The following GRID1 variants were observed in gnomAD, a reference collection of about 807,000 sequenced individuals.
GRID1 encodes the protein glutamate receptor ionotropic, delta-1.
GRID1 carries 28 observed loss-of-function variants against 98.0 expected under a neutral mutation model. The observed-to-expected ratio is 0.29, with a 90% CI of 0.21 to 0.39. The LOEUF (loss-of-function observed/expected upper bound fraction) is 0.39, where lower values mean the gene tolerates loss of function less well. GRID1 is among the 10% of genes least tolerant of loss of function. The pLI, the probability that GRID1 is intolerant of heterozygous loss-of-function variation, is 1.00. For missense variants in GRID1, 1,111 were observed against 1,340.5 expected, an observed-to-expected ratio of 0.83 and a Z score of 2.67; for synonymous variants, 553 against 538.5, an observed-to-expected ratio of 1.03 and a Z score of -0.37.
At chr10:86,343,446 A>G (rs1316023288) in intron 2 of GRID1, among the ~76,000 whole-genome samples, 3 of 152,252 alleles carry the variant, frequency 2.0e-5, no homozygotes, top group Non-Finnish European at 4.4e-5. Flanking sequence ...AAGAAACCCA[A>G]TATCTTGAGT....
At chr10:85,824,490 G>A (rs35490276) in intron 8 of GRID1, among the ~76,000 whole-genome samples, 10,466 of 152,256 alleles carry the variant, frequency 0.069, 396 homozygotes, top group Non-Finnish European at 0.081. Flanking sequence ...GGCATTACAG[G>A]CATGTGCCAC....
intron 2 of GRID1, among the ~76,000 whole-genome samples, chr10:86,345,461 C>T (rs1262701632): frequency 6.6e-6 from 1 of 152,230 alleles, no homozygotes; most frequent in Admixed American, 6.5e-5. Flanking sequence ...CTCTCTGTGG[C>T]AGACCAGGCA....
At chr10:85,928,817 T>C (rs532094456) in intron 4 of GRID1, among the ~76,000 whole-genome samples, 6 of 152,320 alleles carry the variant, frequency 3.9e-5, no homozygotes, top group African/African-American at 1.4e-4. Flanking sequence ...ACACAAACCA[T>C]TCAGAATATT....
chr10:85,858,333 T>C (rs1843133369), intron 6 of GRID1, among the ~76,000 whole-genome samples: 1 of 152,174 alleles, frequency 6.6e-6, no homozygotes, highest in Admixed American at 6.5e-5. Context: ...TTCAGGGGCC[T>C]GCAGCACACA....
intron 2 of GRID1, among the ~76,000 whole-genome samples, chr10:86,252,533 C>T (rs1472683583): frequency 2.0e-5 from 3 of 152,220 alleles, no homozygotes; most frequent in African/African-American, 4.8e-5. Flanking sequence ...CGTGGTTTGA[C>T]ACCATCTCTA....
At chr10:85,949,578 G>A (rs1842093216) in intron 4 of GRID1, among the ~76,000 whole-genome samples, 1 of 151,958 alleles carries the variant, frequency 6.6e-6, no homozygotes, top group Non-Finnish European at 1.5e-5. Flanking sequence ...TGCTATTATG[G>A]ATGGTGCTGC....
intron 13 of GRID1, among the ~76,000 whole-genome samples, chr10:85,629,390 CCA>C (rs1842949623): frequency 6.6e-6 from 1 of 151,842 alleles, no homozygotes; most frequent in Admixed American, 6.6e-5. Context: ...TCCCACCCTC[CCA>C]CCTTTCCAAG....
intron 12 of GRID1, among the ~76,000 whole-genome samples, chr10:85,713,256 T>A (rs1158338159): frequency 1.3e-5 from 2 of 151,700 alleles, no homozygotes; most frequent in Non-Finnish European, 3.0e-5. Context: ...GAAAGGGTCA[T>A]AAGAGAACAC....
intron 5 of GRID1, among the ~76,000 whole-genome samples, chr10:85,905,451 C>A (rs1841447171): frequency 1.3e-5 from 2 of 151,626 alleles, no homozygotes; most frequent in African/African-American, 2.4e-5. Flanking sequence ...ATATAAATAG[C>A]ACCTGAAATG....
intron 3 of GRID1, among the ~76,000 whole-genome samples, chr10:86,148,555 A>G (rs994879694): frequency 7.2e-5 from 11 of 152,198 alleles, no homozygotes; most frequent in African/African-American, 2.7e-4. Flanking sequence ...ATAAATGTTG[A>G]CTATAGTTAA....
chr10:86,215,985 C>T (rs1399967466), intron 2 of GRID1, among the ~76,000 whole-genome samples: 2 of 152,150 alleles, frequency 1.3e-5, no homozygotes, highest in African/African-American at 4.8e-5. Context: ...GTAGACATGC[C>T]CATTCTAATC....
At chr10:85,798,432 T>C (rs1167089715) in intron 8 of GRID1, among the ~76,000 whole-genome samples, 1 of 152,240 alleles carries the variant, frequency 6.6e-6, no homozygotes, top group Non-Finnish European at 1.5e-5. Flanking sequence ...TTGTAGTTTT[T>C]TGAGGAAACA....
intron 8 of GRID1, among the ~76,000 whole-genome samples, chr10:85,812,865 T>TAC (rs1564598055): frequency 6.6e-6 from 1 of 151,828 alleles, no homozygotes; most frequent in African/African-American, 2.4e-5. Flanking sequence ...TATATATATA[T>TAC]ACACACACAT....
At chr10:86,316,113 G>A (rs1847895179) in intron 2 of GRID1, among the ~76,000 whole-genome samples, 1 of 152,156 alleles carries the variant, frequency 6.6e-6, no homozygotes, top group Non-Finnish European at 1.5e-5. Context: ...AACTAGAACT[G>A]GTCACAGACA....
At chr10:85,649,664 A>G (rs548860130) in intron 12 of GRID1, among the ~76,000 whole-genome samples, 2 of 152,266 alleles carry the variant, frequency 1.3e-5, no homozygotes, top group South Asian at 4.1e-4. Flanking sequence ...GGGATCTCCA[A>G]ACACTGTTTC....
intron 3 of GRID1, among the ~76,000 whole-genome samples, chr10:86,189,170 C>T (rs1313998422): frequency 6.6e-6 from 1 of 152,152 alleles, no homozygotes; most frequent in Non-Finnish European, 1.5e-5. Flanking sequence ...TATTATGTGA[C>T]CCTGGAATCC....
chr10:85,865,356 C>G (rs1236917888), intron 6 of GRID1, among the ~76,000 whole-genome samples: 1 of 152,162 alleles, frequency 6.6e-6, no homozygotes, highest in Non-Finnish European at 1.5e-5. Flanking sequence ...GGCTTTAGAG[C>G]ACAGAAAGCC....
At chr10:86,359,657 A>G (rs893342921) in intron 2 of GRID1, among the ~76,000 whole-genome samples, 1 of 152,234 alleles carries the variant, frequency 6.6e-6, no homozygotes, top group Non-Finnish European at 1.5e-5. Context: ...TGCGACAGGT[A>G]TATCTACAGC....
intron 12 of GRID1, among the ~76,000 whole-genome samples, chr10:85,717,300 G>A (rs920428950): frequency 2.6e-5 from 4 of 151,262 alleles, no homozygotes; most frequent in Admixed American, 6.6e-5. Context: ...TGCTGATAAA[G>A]ACATACCTGA....
Sources: gnomAD v4.1 joint callset for allele counts (sites outside exome capture counted in the v4.1 genomes callset) on GRCh38, gnomAD v4.1.1 for gene constraint, MANE v1.5 for transcripts, NCBI Gene and HGNC (gene_info 2026-07-23, HGNC 2026-07-21) for gene names.